The following CYP7B1 variants were observed in gnomAD, a reference collection of about 807,000 sequenced individuals.
CYP7B1 encodes the protein cytochrome P450 family 7 subfamily B member 1.
Under a neutral mutation model 42.7 loss-of-function variants are expected in CYP7B1, and 29 were observed. That is an observed-to-expected ratio of 0.68 (90% CI 0.51 to 0.93). CYP7B1 has a LOEUF of 0.93. Ranked by LOEUF, CYP7B1 falls within the 40% of genes least tolerant of loss-of-function variation. The probability of loss-of-function intolerance (pLI) is 0.00; values close to 1 mark genes in which losing one functional copy is unlikely to be tolerated. For synonymous variants in CYP7B1, 235 were observed against 218.2 expected, an observed-to-expected ratio of 1.08 and a Z score of -0.68; for missense variants, 655 against 600.5, an observed-to-expected ratio of 1.09 and a Z score of -0.95.
At chr8:64,643,088 T>TGTGTATATATATACACATATATATAC (rs1491183776) in intron 1 of CYP7B1, among the ~76,000 whole-genome samples, 3 of 109,700 alleles carry the variant, frequency 2.7e-5, no homozygotes, top group Non-Finnish European at 3.5e-5. Flanking sequence ...TGTGTGTGTG[T>TGTGTATATATATACACATATATATAC]ATATATATAC....
At chr8:64,603,989 A>G (rs1805238736) in intron 5 of CYP7B1, among the ~76,000 whole-genome samples, 1 of 152,250 alleles carries the variant, frequency 6.6e-6, no homozygotes, top group African/African-American at 2.4e-5. Context: ...CAGGCAGAAT[A>G]GGACTGCATT....
At chr8:64,729,908 TGTTCACCTTCACTAA>T (rs1807383392) in intron 1 of CYP7B1, among the ~76,000 whole-genome samples, 1 of 152,240 alleles carries the variant, frequency 6.6e-6, no homozygotes, top group Admixed American at 6.5e-5. Flanking sequence ...GTTGGTAAAT[TGTTCACCTTCACTAA>T]GTTCCTCTGG....
chr8:64,624,951 C>CCT (rs1805586879), intron 1 of CYP7B1, among the ~76,000 whole-genome samples: 18 of 54,024 alleles, frequency 3.3e-4, no homozygotes, highest in African/African-American at 1.7e-3. Context: ...TTATATCATT[C>CCT]TTTTTTTTTT....
intron 1 of CYP7B1, among the ~76,000 whole-genome samples, chr8:64,735,621 G>A (rs577840544): frequency 6.6e-6 from 1 of 152,214 alleles, no homozygotes. Context: ...ATGTTAATAA[G>A]CCTCTATTTG....
chr8:64,685,842 C>T (rs1436930373), intron 1 of CYP7B1, among the ~76,000 whole-genome samples: 1 of 51,310 alleles, frequency 1.9e-5, no homozygotes, highest in African/African-American at 6.5e-5. Context: ...TCAGCTCCCC[C>T]GCCCGGCCAG....
intron 5 of CYP7B1, among the ~76,000 whole-genome samples, chr8:64,597,439 G>C (rs1805136098): frequency 6.6e-6 from 1 of 152,348 alleles, no homozygotes; most frequent in Admixed American, 6.5e-5. Context: ...ATCCGGTGCT[G>C]ATGTTTGGAT....
At chr8:64,649,909 T>A (rs1806012922) in intron 1 of CYP7B1, among the ~76,000 whole-genome samples, 1 of 152,048 alleles carries the variant, frequency 6.6e-6, no homozygotes, top group Non-Finnish European at 1.5e-5. Flanking sequence ...ATTGGGTTAT[T>A]TATATATTGT....
intron 1 of CYP7B1, among the ~76,000 whole-genome samples, chr8:64,711,568 C>A (rs140035471): frequency 3.9e-5 from 6 of 152,310 alleles, no homozygotes; most frequent in Admixed American, 3.9e-4. Context: ...TCCCTATGTG[C>A]ATCTACATTG....
At chr8:64,659,383 C>T (rs924799943) in intron 1 of CYP7B1, among the ~76,000 whole-genome samples, 3 of 152,146 alleles carry the variant, frequency 2.0e-5, no homozygotes, top group African/African-American at 7.2e-5. Context: ...ATACCTATAG[C>T]ATCCTTTAAA....
chr8:64,784,645 T>C (rs1804491551), intron 1 of CYP7B1, among the ~76,000 whole-genome samples: 1 of 152,158 alleles, frequency 6.6e-6, no homozygotes, highest in Non-Finnish European at 1.5e-5. Context: ...GGAGCCTAGA[T>C]TCAAATCCAG....
At chr8:64,743,144 A>C (rs1051420574) in intron 1 of CYP7B1, among the ~76,000 whole-genome samples, 16 of 152,206 alleles carry the variant, frequency 1.1e-4, no homozygotes, top group African/African-American at 3.6e-4. Context: ...AAATAAACAA[A>C]AAAACAAACA....
At chr8:64,681,159 T>C (rs1806530480) in intron 1 of CYP7B1, among the ~76,000 whole-genome samples, 1 of 152,238 alleles carries the variant, frequency 6.6e-6, no homozygotes, top group Non-Finnish European at 1.5e-5. Flanking sequence ...TCTAATTATC[T>C]ATGAAAAGAT....
intron 1 of CYP7B1, among the ~76,000 whole-genome samples, chr8:64,747,798 C>T (rs1056703674): frequency 6.6e-6 from 1 of 152,070 alleles, no homozygotes; most frequent in Admixed American, 6.6e-5. Flanking sequence ...CACATAAAAG[C>T]ACTTAACCCA....
Position 64,615,207 on chromosome 8 carries a change from G to A in CYP7B1, c.876C>T (p.Ala292=), listed in dbSNP as rs775784701. The change falls in exon 4 of 6, where the codon GCC becomes GCT. Residue 292 remains alanine (A), a synonymous_variant. Transcript: ENST00000310193. ...TAGTTGGAATAGTGTTTGCCACAGA[G>A]GCCCAGAGAAAGCCTAAATGATGTG... ...IGAHHLGFLW[A]SVANTIPTMF... 7 of 1,613,198 alleles carry A rather than the reference G, an allele frequency of 4.3e-6. No individual in the cohort carries two copies. The South Asian group carries it at 7.7e-5, about 18-fold the overall frequency.
chr8:64,733,557 T>C (rs1263952776), intron 1 of CYP7B1, among the ~76,000 whole-genome samples: 1 of 152,158 alleles, frequency 6.6e-6, no homozygotes, highest in Non-Finnish European at 1.5e-5. Context: ...TTCTCTACCA[T>C]ACGCTAGTAC....
intron 1 of CYP7B1, among the ~76,000 whole-genome samples, chr8:64,785,815 C>T (rs1804517141): frequency 6.6e-6 from 1 of 152,032 alleles, no homozygotes; most frequent in African/African-American, 2.4e-5. Flanking sequence ...TGAAGACATA[C>T]CCGAGACTGG....
Position 64,592,397 on chromosome 8 carries a change from A to C in CYP7B1, c.*4245T>G, listed in dbSNP as rs1274821783. On this transcript the variant is annotated 3_prime_UTR_variant, in exon 6 of 6. Transcript: ENST00000310193. ...CTAGTTAGAACTAGTGATAAATCAG[A>C]ATTTTAAAATAGTTTTAAAGAGATG... Among the ~76,000 whole-genome samples the C allele has an allele frequency of 6.6e-6, 1 of 152,216 alleles. No individual in the cohort carries two copies. The highest frequency in any genetic ancestry group is 2.4e-5 in the African/African-American group (1 of 41,442).
At chr8:64,599,908 C>A (rs1805176520) in intron 5 of CYP7B1, among the ~76,000 whole-genome samples, 1 of 152,224 alleles carries the variant, frequency 6.6e-6, no homozygotes, top group African/African-American at 2.4e-5. Context: ...AGCTAACCTA[C>A]AGGAGATGGC....
At chr8:64,660,685 T>A (rs1011541899) in intron 1 of CYP7B1, among the ~76,000 whole-genome samples, 1 of 152,250 alleles carries the variant, frequency 6.6e-6, no homozygotes, top group African/African-American at 2.4e-5. Flanking sequence ...ATTCCCATTA[T>A]TTCTGCTGTA....
Sources: allele counts gnomAD v4.1 joint callset (sites outside exome capture counted in the v4.1 genomes callset), GRCh38; gene constraint gnomAD v4.1.1; transcripts MANE v1.5; gene names NCBI Gene and HGNC (gene_info 2026-07-23, HGNC 2026-07-21).